SMARCAD1: variants seen among roughly 807,000 people sequenced by gnomAD.
The protein encoded by SMARCAD1 is SWI/SNF-related matrix-associated actin-dependent regulator of chromatin subfamily A containing DEAD/H box 1.
A neutral mutation model predicts 127.1 loss-of-function variants in SMARCAD1; 25 were observed. That is an observed-to-expected ratio of 0.20 (90% CI 0.14 to 0.27). The LOEUF (loss-of-function observed/expected upper bound fraction) is 0.27. Ranked by LOEUF, SMARCAD1 falls within the 10% of genes least tolerant of loss-of-function variation. SMARCAD1 has a pLI of 1.00. For synonymous variants in SMARCAD1, 400 were observed against 396.9 expected (o/e 1.01, Z -0.09); for missense variants, 807 against 1,206.0 (o/e 0.67, Z 4.90).
chr4:94,224,098 T>C (rs1186624644), intron 2 of SMARCAD1, among the ~76,000 whole-genome samples: 1 of 152,214 alleles, frequency 6.6e-6, no homozygotes, highest in African/African-American at 2.4e-5. Context: ...TATTACTTTG[T>C]GTATGATGAT....
At chr4:94,223,160 C>CA (rs1744425331) in intron 2 of SMARCAD1, among the ~76,000 whole-genome samples, 1 of 151,930 alleles carries the variant, frequency 6.6e-6, no homozygotes, top group Admixed American at 6.6e-5. Flanking sequence ...ATCTGCAGTC[C>CA]AGTGCTCTGC....
rs1752866047 is a variant in SMARCAD1, at chr4:94,273,711, C to T, written c.1667C>T (p.Thr556Ile). ...GPHLIVVPAS[T>I]IDNWLREVNL... ...CATTTGATCGTTGTTCCAGCTTCAA[C>T]TATAGGTTTGTAATACTGGAGACAA... The change falls in exon 12 of 24, where the codon ACT becomes ATT. Residue 556 changes from threonine (T) to isoleucine (I), a missense_variant. By Grantham distance (89) the Thr-to-Ile change is moderately conservative. This residue lies in a region of SMARCAD1 where 148 missense variants were observed against 313.2 expected (regional missense o/e 0.47). Coordinates refer to ENST00000354268, the MANE Select transcript of SMARCAD1 (RefSeq NM_020159.5). 6.2e-7 allele frequency: 1 copy of T among 1,611,610 alleles called. No individual in the cohort carries two copies. The highest frequency in any genetic ancestry group is 1.1e-5 in the South Asian group (1 of 90,944).
chr4:94,226,321 T>C (rs1211972289), intron 3 of SMARCAD1, 25 bp downstream of exon 3: 1 of 1,582,870 alleles, frequency 6.3e-7, no homozygotes. Flanking sequence ...AGATATATTG[T>C]ATTTGCATGT....
chr4:94,266,897 C>T (rs1204028422), intron 10 of SMARCAD1, among the ~76,000 whole-genome samples: 1 of 152,082 alleles, frequency 6.6e-6, no homozygotes, highest in African/African-American at 2.4e-5. Flanking sequence ...CTAAAGTTTT[C>T]ATATGTACTT....
At position 94,290,270 on chromosome 4, in the gene SMARCAD1, A is replaced by C. The variant is rs1029203185; in HGVS notation, c.*736A>C. On this transcript the variant is annotated 3_prime_UTR_variant, in exon 24 of 24. Transcript: ENST00000354268. ...CTAATTGTGCATATTACTCTGCCTA[A>C]TCTTGTGCATGTTTTCATTGATTTC... The C allele has an allele frequency of 8.8e-6, 4 of 454,336 alleles. No individual in the cohort carries two copies. Among genetic ancestry groups the C allele is most frequent in the African/African-American group, 8.0e-5 (4 of 49,988 alleles). The allele number at this position is 454,336 out of a possible 1,614,324, so 28.1% of individuals were successfully genotyped here.
intron 9 of SMARCAD1, among the ~76,000 whole-genome samples, chr4:94,259,617 C>G (rs1750645823): frequency 6.6e-6 from 1 of 152,126 alleles, no homozygotes; most frequent in South Asian, 2.1e-4. Flanking sequence ...CAACCCTTAA[C>G]TGTTAAAGCG....
At position 94,281,964 on chromosome 4, in the gene SMARCAD1, C is replaced by T. The variant is rs573077289; in HGVS notation, c.2726+374C>T. Among the ~76,000 whole-genome samples the T allele has an allele frequency of 3.1e-4, 47 of 151,534 alleles. No homozygotes were observed. In the East Asian group the frequency reaches 6.1e-3, roughly 20 times the overall value. ...TGAGGTGGGAGGATTGTTTGAGCCC[C>T]GGGGGGCGGAGGTTGCAGTGAGCCA... On this transcript the variant is annotated intron_variant, in intron 21 of 23. Coordinates refer to ENST00000354268, the MANE Select transcript of SMARCAD1 (RefSeq NM_020159.5).
At chr4:94,270,068 T>C (rs1431470869) in intron 10 of SMARCAD1, among the ~76,000 whole-genome samples, 7 of 151,704 alleles carry the variant, frequency 4.6e-5, no homozygotes, top group African/African-American at 1.7e-4. Flanking sequence ...GACACTTGAA[T>C]GCTACTTTCT....
intron 9 of SMARCAD1, among the ~76,000 whole-genome samples, chr4:94,256,360 TTTTTGTTTTG>T (rs895975325): frequency 3.3e-5 from 5 of 151,948 alleles, no homozygotes; most frequent in Non-Finnish European, 7.4e-5. Context: ...TCTTTTTTGG[TTTTTGTTTTG>T]TTTTGTTTTG....
At chr4:94,248,442 C>CCGGA (rs1748793352) in intron 6 of SMARCAD1, 1 of 455,820 alleles carries the variant, frequency 2.2e-6, no homozygotes, top group African/African-American at 2.0e-5. Flanking sequence ...TGGTTGTTGT[C>CCGGA]CATCTGTGAG....
At chr4:94,261,393 C>G (rs1465709079) in intron 9 of SMARCAD1, among the ~76,000 whole-genome samples, 1 of 152,180 alleles carries the variant, frequency 6.6e-6, no homozygotes, top group East Asian at 1.9e-4. Flanking sequence ...CTTTAGATTT[C>G]TACCGAATTG....
At chr4:94,273,562 G>A (rs554270882) in intron 11 of SMARCAD1, 55 bp from the exon 12 acceptor site, 2 of 1,245,864 alleles carry the variant, frequency 1.6e-6, no homozygotes, top group African/African-American at 3.0e-5. Flanking sequence ...GTATTTTTAT[G>A]TATTTATTTT....
At chr4:94,214,265 G>GTTTTTTT (rs11418046) in intron 2 of SMARCAD1, among the ~76,000 whole-genome samples, 1 of 131,750 alleles carries the variant, frequency 7.6e-6, no homozygotes. Context: ...GCGTTCTTTT[G>GTTTTTTT]TTTTTTTTTT....
intron 22 of SMARCAD1, among the ~76,000 whole-genome samples, chr4:94,284,394 T>C (rs1002154500): frequency 3.2e-4 from 48 of 148,658 alleles, no homozygotes; most frequent in Admixed American, 1.3e-4. Context: ...CTGTTTGTTG[T>C]AATGTAGTTG....
At position 94,208,488 on chromosome 4, in the gene SMARCAD1, CCTT is replaced by C. The variant is rs1741624173; in HGVS notation, c.99_101del (p.Ser34del). Reference sequence around the variant, plus strand: ...AACCCCTCAACCTTCCCAGCCTGGCCCTTCTTCACCAATTTCTCTTAGTGCTGA... The same window carrying C: ...AACCCCTCAACCTTCCCAGCCTGGCCCTTCACCAATTTCTCTTAGTGCTGA... On this transcript the variant is annotated inframe_deletion, in exon 2 of 24. Coordinates refer to ENST00000354268, the MANE Select transcript of SMARCAD1 (RefSeq NM_020159.5). The C allele has an allele frequency of 3.7e-6, 6 of 1,613,918 alleles. No homozygotes were observed. Among genetic ancestry groups the C allele is most frequent in the Non-Finnish European group, 4.2e-6 (5 of 1,180,018 alleles).
At chr4:94,267,275 C>T (rs1416830002) in intron 10 of SMARCAD1, among the ~76,000 whole-genome samples, 3 of 152,118 alleles carry the variant, frequency 2.0e-5, no homozygotes, top group African/African-American at 4.8e-5. Context: ...GATGTGGTTT[C>T]ACTAACTCAA....
rs764962944 is a variant in SMARCAD1 at position 94,249,765 on chromosome 4, C to G, written c.807+10C>G. 2 of 1,466,474 alleles carry G rather than the reference C, an allele frequency of 1.4e-6. No individual in the cohort carries two copies. 90.8% of individuals were successfully genotyped at this position (1,466,474 alleles called of 1,614,324 possible). ...CAATTTTGATAAACAGGTGAGTAGTCGTGTATGAAAATTTAATCAGTGTGT... is the reference window on the plus strand; with the variant it reads ...CAATTTTGATAAACAGGTGAGTAGTGGTGTATGAAAATTTAATCAGTGTGT... On this transcript the variant is annotated intron_variant, in intron 7 of 23. Coordinates refer to ENST00000354268, the MANE Select transcript of SMARCAD1 (RefSeq NM_020159.5).
chr4:94,275,139 T>C (rs925506573), intron 14 of SMARCAD1, among the ~76,000 whole-genome samples, 174 bp downstream of exon 14: 7 of 152,200 alleles, frequency 4.6e-5, no homozygotes, highest in African/African-American at 1.2e-4. Flanking sequence ...AATACCCATA[T>C]AGGAGGTTTT....
Position 94,276,441 on chromosome 4 carries a change from C to G in SMARCAD1, c.1911C>G (p.Gly637=), listed in dbSNP as rs1371794388. The G allele has an allele frequency of 6.2e-7, 1 of 1,613,946 alleles. No individual in the cohort carries two copies. The highest frequency in any genetic ancestry group is 1.3e-5 in the African/African-American group (1 of 74,890). ...FDEGHMLKNM[G]SIRYQHLMTI... is the part of the protein sequence containing the mutation. ...AGGGCCATATGCTGAAGAATATGGG[C>G]TCCATTCGCTACCAGCACCTTATGA... Residue 637 remains glycine (G), a synonymous_variant, in exon 15 of 24, where the codon GGC becomes GGG. Coordinates refer to ENST00000354268, the MANE Select transcript of SMARCAD1 (RefSeq NM_020159.5).
Sources: allele counts gnomAD v4.1 joint callset (sites outside exome capture counted in the v4.1 genomes callset), GRCh38; gene constraint gnomAD v4.1.1; regional missense constraint gnomAD v4.1.1; transcripts MANE v1.5; gene names NCBI Gene and HGNC (gene_info 2026-07-23, HGNC 2026-07-21).